KLF12: variants seen among roughly 807,000 people sequenced by gnomAD.
The protein encoded by KLF12 is KLF transcription factor 12, also known as Krueppel-like factor 12.
In KLF12, 9 loss-of-function variants were observed where a neutral mutation model predicts 37.8. That is an observed-to-expected ratio of 0.24 (90% CI 0.14 to 0.42). The LOEUF is 0.42. Ranked by LOEUF, KLF12 falls within the 10% of genes least tolerant of loss-of-function variation. The pLI, the probability that KLF12 is intolerant of heterozygous loss-of-function variation, is 1.00. For missense variants in KLF12, 411 were observed against 516.0 expected, an observed-to-expected ratio of 0.80 and a Z score of 1.97; for synonymous variants, 208 against 202.1, an observed-to-expected ratio of 1.03 and a Z score of -0.25.
chr13:73,745,834 G>T (rs1158812216), intron 6 of KLF12, among the ~76,000 whole-genome samples: 2 of 152,124 alleles, frequency 1.3e-5, no homozygotes, highest in Non-Finnish European at 2.9e-5. Flanking sequence ...CAAGTCAAGG[G>T]TATACCACTA....
At position 73,826,618 on chromosome 13, in the gene KLF12, T is replaced by C. The variant is rs1166913951; in HGVS notation, c.671-13331A>G. ...AGAGCTGAAAGCTCCTTTGTATTTT[T>C]TTAATTCCTATTTTGTTTCCTTCTT... On this transcript the variant is annotated intron_variant, in intron 4 of 7. Coordinates refer to ENST00000377669, the MANE Select transcript of KLF12 (RefSeq NM_007249.5). Among the ~76,000 whole-genome samples the C allele has an allele frequency of 3.9e-5, 6 of 152,238 alleles. No homozygotes were observed. In the East Asian group the frequency reaches 1.2e-3, roughly 29 times the overall value.
chr13:73,793,815 C>T (rs1159514009), intron 5 of KLF12, among the ~76,000 whole-genome samples: 3 of 152,186 alleles, frequency 2.0e-5, no homozygotes, highest in South Asian at 2.1e-4. Flanking sequence ...TACTCTCCTA[C>T]TTAAGGTGAA....
chr13:73,841,376 C>G (rs148460498), intron 4 of KLF12, among the ~76,000 whole-genome samples: 88 of 152,262 alleles, frequency 5.8e-4, no homozygotes, highest in African/African-American at 2.0e-3. Context: ...ATAAAATACA[C>G]TAACACTAAG....
intron 1 of KLF12, among the ~76,000 whole-genome samples, chr13:73,999,695 G>A (rs1279872852): frequency 3.9e-5 from 6 of 152,094 alleles, no homozygotes; most frequent in Non-Finnish European, 7.3e-5. Flanking sequence ...AGCCGAGATC[G>A]CTCCGCTACA....
intron 3 of KLF12, among the ~76,000 whole-genome samples, chr13:73,877,567 C>T (rs906040762): frequency 1.3e-5 from 2 of 152,096 alleles, no homozygotes; most frequent in African/African-American, 4.8e-5. Context: ...AATATTATCC[C>T]ATTGTCTTCT....
chr13:74,170,162 A>G, the KLF12 span, among the ~76,000 whole-genome samples: 4 of 151,854 alleles, frequency 2.6e-5, no homozygotes, highest in Non-Finnish European at 4.4e-5. Flanking sequence ...ATTACGCCCT[A>G]TATGATCTGC....
intron 1 of KLF12, among the ~76,000 whole-genome samples, chr13:74,082,163 TAAA>T (rs57156299): frequency 8.7e-6 from 1 of 114,756 alleles, no homozygotes; most frequent in Non-Finnish European, 1.7e-5. Context: ...CCCTGTCTCT[TAAA>T]AAAAAAAAAA....
At chr13:73,833,255 T>A (rs990295415) in intron 4 of KLF12, among the ~76,000 whole-genome samples, 1 of 152,210 alleles carries the variant, frequency 6.6e-6, no homozygotes, top group African/African-American at 2.4e-5. Flanking sequence ...ACAATTTTCA[T>A]ACAGCAATAT....
At chr13:73,738,769 T>C (rs1487808912) in intron 6 of KLF12, among the ~76,000 whole-genome samples, 2 of 152,142 alleles carry the variant, frequency 1.3e-5, no homozygotes, top group Non-Finnish European at 2.9e-5. Context: ...TCATACAACT[T>C]CCACTGATGA....
intron 1 of KLF12, among the ~76,000 whole-genome samples, chr13:74,117,491 G>A (rs774248956): frequency 4.5e-4 from 69 of 152,064 alleles, no homozygotes; most frequent in South Asian, 1.9e-3. Flanking sequence ...AAATGGGGGA[G>A]AACAAAATAA....
At chr13:74,264,758 C>T in the KLF12 span, among the ~76,000 whole-genome samples, 1 of 151,888 alleles carries the variant, frequency 6.6e-6, no homozygotes, top group Non-Finnish European at 1.5e-5. Context: ...TAGTTTTATA[C>T]AACAAAATAA....
At chr13:74,007,246 AAAAAGACAGAAATCAG>A (rs1306159013) in intron 1 of KLF12, among the ~76,000 whole-genome samples, 1 of 19,298 alleles carries the variant, frequency 5.2e-5, no homozygotes, top group East Asian at 5.9e-3. Context: ...CTGAAATCAG[AAAAAGACAGAAATCAG>A]AAAAAGACAA....
chr13:74,097,774 G>A (rs73531239), intron 1 of KLF12, among the ~76,000 whole-genome samples: 5,911 of 151,448 alleles, frequency 0.039, 120 homozygotes, highest in Middle Eastern at 0.085. Context: ...TGTCTGCAAC[G>A]GCATAGCAAC....
intron 6 of KLF12, among the ~76,000 whole-genome samples, chr13:73,758,616 C>T (rs1879345557): frequency 6.6e-6 from 1 of 152,028 alleles, no homozygotes; most frequent in Non-Finnish European, 1.5e-5. Context: ...TGGTTCTGAG[C>T]CGCAGGTTGA....
intron 1 of KLF12, among the ~76,000 whole-genome samples, chr13:74,078,057 A>G (rs1566201476): frequency 6.6e-6 from 1 of 152,134 alleles, no homozygotes; most frequent in African/African-American, 2.4e-5. Context: ...CAGCGACTCC[A>G]TGTGAAGTTT....
intron 5 of KLF12, among the ~76,000 whole-genome samples, chr13:73,770,140 C>A (rs1466827429): frequency 2.0e-5 from 3 of 152,132 alleles, no homozygotes; most frequent in Admixed American, 1.3e-4. Flanking sequence ...AATAACTCCA[C>A]AATTACTAAA....
chr13:73,979,366 C>CACACAT, intron 2 of KLF12, among the ~76,000 whole-genome samples: 1 of 149,532 alleles, frequency 6.7e-6, no homozygotes, highest in Middle Eastern at 3.4e-3. Context: ...CACACACACA[C>CACACAT]ACACACACAC....
At chr13:74,160,010 A>G in the KLF12 span, among the ~76,000 whole-genome samples, 2 of 151,798 alleles carry the variant, frequency 1.3e-5, no homozygotes, top group African/African-American at 2.4e-5. Context: ...TCAAAAAAAA[A>G]AAAAAAAAAA....
intron 4 of KLF12, among the ~76,000 whole-genome samples, chr13:73,843,860 A>AAT (rs530110413): frequency 1.3e-5 from 2 of 152,168 alleles, no homozygotes; most frequent in South Asian, 4.1e-4. Flanking sequence ...CTGAGTAAAA[A>AAT]ATAATGCATG....
Sources: allele counts gnomAD v4.1 joint callset (sites outside exome capture counted in the v4.1 genomes callset), GRCh38; gene constraint gnomAD v4.1.1; transcripts MANE v1.5; gene names NCBI Gene and HGNC (gene_info 2026-07-23, HGNC 2026-07-21).